EXOC6B: variants seen among roughly 807,000 people sequenced by gnomAD.
EXOC6B encodes SEC15 homolog B.
In EXOC6B, 54 loss-of-function variants were observed where a neutral mutation model predicts 113.5. The ratio of observed to expected loss-of-function variants is 0.48; its 90% confidence interval spans 0.38 to 0.60. The LOEUF is 0.60. Among genes scored for constraint, EXOC6B ranks in the 20% least tolerant of loss-of-function variants. EXOC6B has a pLI of 0.00. For missense variants in EXOC6B, 797 were observed against 977.5 expected (o/e 0.82, Z 2.46); for synonymous variants, 357 against 339.0 (o/e 1.05, Z -0.58).
intron 1 of EXOC6B, among the ~76,000 whole-genome samples, chr2:72,794,906 G>C (rs566038079): frequency 6.6e-6 from 1 of 152,304 alleles, no homozygotes; most frequent in Non-Finnish European, 1.5e-5. Flanking sequence ...AGGGAGGAAA[G>C]GAAAGAGATG....
chr2:72,343,023 A>G (rs1689124700), intron 19 of EXOC6B, among the ~76,000 whole-genome samples: 1 of 152,214 alleles, frequency 6.6e-6, no homozygotes, highest in Admixed American at 6.5e-5. Flanking sequence ...GTATATATAC[A>G]ATGGAATACT....
At chr2:72,541,880 C>T (rs1374724333) in intron 8 of EXOC6B, among the ~76,000 whole-genome samples, 1 of 152,124 alleles carries the variant, frequency 6.6e-6, no homozygotes, top group African/African-American at 2.4e-5. Flanking sequence ...CGTCATGTTG[C>T]CCAGGCTGGT....
At chr2:72,646,649 C>T (rs1299566915) in intron 6 of EXOC6B, among the ~76,000 whole-genome samples, 14 of 151,934 alleles carry the variant, frequency 9.2e-5, no homozygotes, top group Non-Finnish European at 1.5e-4. Context: ...GTTCAACATA[C>T]GCAAATCAAT....
intron 20 of EXOC6B, among the ~76,000 whole-genome samples, chr2:72,288,169 A>G (rs1685560410): frequency 6.6e-6 from 1 of 152,182 alleles, no homozygotes; most frequent in African/African-American, 2.4e-5. Context: ...AAAATAAAAT[A>G]CCAATATAAT....
At chr2:72,596,174 T>A (rs1002733866) in intron 6 of EXOC6B, among the ~76,000 whole-genome samples, 3 of 152,128 alleles carry the variant, frequency 2.0e-5, no homozygotes, top group African/African-American at 7.2e-5. Flanking sequence ...TTAGAAGCTG[T>A]GACTCCCATA....
In EXOC6B at chr2:72,493,470, A is replaced by C. The variant is rs529389696; in HGVS notation, c.1554-1041T>G. Among the ~76,000 whole-genome samples, 3 of 152,174 alleles carry C rather than the reference A, an allele frequency of 2.0e-5. No individual in the cohort carries two copies. In the South Asian group the frequency reaches 6.2e-4, roughly 32 times the overall value. ...CATGCAAGCAAGATTAAAAGAAAAA[A>C]AAAACCATATCAGAAGTGTTATTAC... On this transcript the variant is annotated intron_variant, in intron 15 of 21. Transcript: ENST00000272427.
intron 8 of EXOC6B, among the ~76,000 whole-genome samples, chr2:72,551,028 T>C (rs1703192011): frequency 1.3e-5 from 2 of 151,542 alleles, no homozygotes; most frequent in Non-Finnish European, 2.9e-5. Flanking sequence ...TGCATGCAAG[T>C]GACTGAGTTA....
intron 6 of EXOC6B, among the ~76,000 whole-genome samples, chr2:72,597,932 T>C (rs1053778892): frequency 2.6e-5 from 4 of 151,926 alleles, no homozygotes; most frequent in African/African-American, 7.2e-5. Flanking sequence ...AGAGCACCAA[T>C]ATGCATAAGG....
At chr2:72,450,217 A>G (rs1696830889) in intron 18 of EXOC6B, among the ~76,000 whole-genome samples, 1 of 152,224 alleles carries the variant, frequency 6.6e-6, no homozygotes, top group Non-Finnish European at 1.5e-5. Flanking sequence ...AATGGCCTGC[A>G]AAGAGATCTT....
chr2:72,500,015 T>C, intron 11 of EXOC6B, 43 bp from the exon 12 acceptor site: 1 of 1,254,532 alleles, frequency 8.0e-7, no homozygotes, highest in South Asian at 1.3e-5. Context: ...ATGTTATTAG[T>C]AAAAATGCAA....
rs771995160 is a variant in EXOC6B at position 72,198,161 on chromosome 2, A to AT, written c.2197-13975_2197-13974insA. ...GAGGACATAGGGCCAATATGAAAAGAAACATATTTCAGGTTCAAGCCAGTG... is the reference window on the plus strand; with the variant it reads ...GAGGACATAGGGCCAATATGAAAAGATAACATATTTCAGGTTCAAGCCAGTG... On this transcript the variant is annotated intron_variant, in intron 20 of 21. Coordinates refer to ENST00000272427, the MANE Select transcript of EXOC6B (RefSeq NM_015189.3). 2.9e-4 allele frequency among the ~76,000 whole-genome samples: 44 copies of AT among 152,304 alleles called. No individual in the cohort carries two copies. The Middle Eastern group carries it at 0.017, about 59-fold the overall frequency.
rs76938806 is a variant in EXOC6B at position 72,237,164 on chromosome 2, A to C, written c.2197-52977T>G. On this transcript the variant is annotated intron_variant, in intron 20 of 21. Coordinates refer to ENST00000272427, the MANE Select transcript of EXOC6B (RefSeq NM_015189.3). ...TCACTCAAAAATATTTATGGAGCAC[A>C]TAGGAAGTAACAGGCGTTATATGAG... Among the ~76,000 whole-genome samples, 384 of 152,306 alleles carry C rather than the reference A, an allele frequency of 2.5e-3. 4 individuals carry two copies. The highest frequency in any genetic ancestry group is 9.7e-3 in the East Asian group (50 of 5,176).
intron 5 of EXOC6B, among the ~76,000 whole-genome samples, chr2:72,725,289 T>C (rs1007755979): frequency 2.0e-5 from 3 of 152,188 alleles, no homozygotes; most frequent in Admixed American, 6.5e-5. Context: ...CTAATGAAAC[T>C]ATAAACCTCA....
At chr2:72,182,489 G>T (rs1184572513) in intron 21 of EXOC6B, among the ~76,000 whole-genome samples, 1 of 152,106 alleles carries the variant, frequency 6.6e-6, no homozygotes, top group Non-Finnish European at 1.5e-5. Context: ...CTAATAAAGG[G>T]TCTTCTATAA....
At chr2:72,224,850 A>C (rs967509012) in intron 20 of EXOC6B, among the ~76,000 whole-genome samples, 1 of 150,422 alleles carries the variant, frequency 6.6e-6, no homozygotes, top group Non-Finnish European at 1.5e-5. Flanking sequence ...GTGTGTGTAT[A>C]TATATATATG....
chr2:72,420,734 T>A (rs1248650012), intron 18 of EXOC6B, among the ~76,000 whole-genome samples: 1 of 152,214 alleles, frequency 6.6e-6, no homozygotes, highest in Non-Finnish European at 1.5e-5. Flanking sequence ...TGATTTATAA[T>A]CCTTTGGGTA....
intron 18 of EXOC6B, among the ~76,000 whole-genome samples, chr2:72,426,806 T>C (rs1695223954): frequency 6.6e-6 from 1 of 152,250 alleles, no homozygotes; most frequent in East Asian, 1.9e-4. Context: ...GTTCAAATAT[T>C]ATCAATGATG....
At chr2:72,762,004 G>A (rs1442222147) in intron 1 of EXOC6B, among the ~76,000 whole-genome samples, 1 of 152,036 alleles carries the variant, frequency 6.6e-6, no homozygotes, top group African/African-American at 2.4e-5. Context: ...CCAGCACTTT[G>A]GGAGGCTGAG....
At chr2:72,723,914 G>A (rs1447872595) in intron 5 of EXOC6B, among the ~76,000 whole-genome samples, 1 of 152,064 alleles carries the variant, frequency 6.6e-6, no homozygotes, top group Non-Finnish European at 1.5e-5. Context: ...AAACAAACAA[G>A]GTGAGTTTAA....
Sources: gnomAD v4.1 joint callset for allele counts (sites outside exome capture counted in the v4.1 genomes callset) on GRCh38, gnomAD v4.1.1 for gene constraint, MANE v1.5 for transcripts, NCBI Gene and HGNC (gene_info 2026-07-23, HGNC 2026-07-21) for gene names.